GRM7: variants seen among roughly 807,000 people sequenced by gnomAD.
GRM7 encodes the protein metabotropic glutamate receptor 7.
Under a neutral mutation model 84.5 loss-of-function variants are expected in GRM7, and 35 were observed. The ratio of observed to expected loss-of-function variants is 0.41; its 90% confidence interval spans 0.32 to 0.55. The LOEUF (loss-of-function observed/expected upper bound fraction) is 0.55, where lower values mean the gene tolerates loss of function less well. Ranked by LOEUF, GRM7 falls within the 20% of genes least tolerant of loss-of-function variation. The probability of loss-of-function intolerance (pLI) is 0.19; values close to 1 mark genes in which losing one functional copy is unlikely to be tolerated. For missense variants in GRM7, 1,003 were observed against 1,194.6 expected, an observed-to-expected ratio of 0.84 and a Z score of 2.36; for synonymous variants, 487 against 455.1, an observed-to-expected ratio of 1.07 and a Z score of -0.89.
intron 1 of GRM7, among the ~76,000 whole-genome samples, chr3:7,027,701 T>C (rs1223368888): frequency 2.6e-5 from 4 of 152,220 alleles, no homozygotes; most frequent in Non-Finnish European, 4.4e-5. Context: ...ATATTTTTCT[T>C]TGAATTTAGA....
intron 4 of GRM7, among the ~76,000 whole-genome samples, chr3:7,348,749 G>A (rs1326930256): frequency 1.3e-5 from 2 of 152,108 alleles, no homozygotes; most frequent in Non-Finnish European, 2.9e-5. Context: ...CAGATCTACT[G>A]AATCAGAAAC....
At chr3:7,701,173 G>C (rs2125158496) in intron 9 of GRM7, among the ~76,000 whole-genome samples, 1 of 152,264 alleles carries the variant, frequency 6.6e-6, no homozygotes, top group Admixed American at 6.5e-5. Context: ...TAACGATACA[G>C]GGGACCTTGT....
At chr3:7,332,348 G>A (rs1323129787) in intron 4 of GRM7, among the ~76,000 whole-genome samples, 1 of 152,164 alleles carries the variant, frequency 6.6e-6, no homozygotes, top group African/African-American at 2.4e-5. Context: ...AATAGTGAGG[G>A]TTGGACTTTG....
At chr3:7,503,673 G>T (rs1699952733) in intron 7 of GRM7, among the ~76,000 whole-genome samples, 1 of 152,134 alleles carries the variant, frequency 6.6e-6, no homozygotes, top group African/African-American at 2.4e-5. Flanking sequence ...TATGTTAGAA[G>T]GGATTGGAAA....
At chr3:7,323,006 A>C (rs1386149416) in intron 4 of GRM7, among the ~76,000 whole-genome samples, 1 of 152,118 alleles carries the variant, frequency 6.6e-6, no homozygotes, top group East Asian at 1.9e-4. Context: ...TTATGGAACA[A>C]AGGAAACAAG....
chr3:7,424,838 C>T (rs1029922919), intron 5 of GRM7, among the ~76,000 whole-genome samples: 3 of 152,110 alleles, frequency 2.0e-5, no homozygotes, highest in Admixed American at 1.3e-4. Context: ...GTGAAAGAAA[C>T]AAGTAAGACG....
At chr3:7,567,668 A>C (rs971232440) in intron 7 of GRM7, among the ~76,000 whole-genome samples, 4 of 146,422 alleles carry the variant, frequency 2.7e-5, no homozygotes, top group Non-Finnish European at 6.0e-5. Context: ...GAATTGCTTG[A>C]ACCCGGGAGG....
At chr3:7,606,001 T>C (rs879563089) in intron 8 of GRM7, among the ~76,000 whole-genome samples, 7 of 152,208 alleles carry the variant, frequency 4.6e-5, no homozygotes, top group Non-Finnish European at 1.0e-4. Flanking sequence ...ATGTCTGAGG[T>C]ATACTGTTGT....
chr3:7,650,114 C>A (rs1698857044), intron 8 of GRM7, among the ~76,000 whole-genome samples: 1 of 152,128 alleles, frequency 6.6e-6, no homozygotes, highest in South Asian at 2.1e-4. Flanking sequence ...TTATCCTACG[C>A]AAGGAAAATA....
At chr3:7,111,698 A>T (rs1214001790) in intron 1 of GRM7, among the ~76,000 whole-genome samples, 1 of 152,076 alleles carries the variant, frequency 6.6e-6, no homozygotes, top group African/African-American at 2.4e-5. Flanking sequence ...TTCACATTTT[A>T]TTTTTAACTA....
intron 1 of GRM7, among the ~76,000 whole-genome samples, chr3:6,970,407 C>T (rs1034832233): frequency 1.3e-5 from 2 of 152,210 alleles, no homozygotes; most frequent in African/African-American, 4.8e-5. Context: ...ACCGTACTTA[C>T]AACATTTCTG....
At chr3:7,161,702 T>A (rs951908742) in intron 2 of GRM7, among the ~76,000 whole-genome samples, 9 of 152,220 alleles carry the variant, frequency 5.9e-5, no homozygotes, top group East Asian at 1.9e-4. Context: ...ATTACTTCTA[T>A]TATTTATTCA....
At chr3:7,233,829 G>A (rs570954166) in intron 2 of GRM7, among the ~76,000 whole-genome samples, 8 of 152,202 alleles carry the variant, frequency 5.3e-5, no homozygotes, top group Non-Finnish European at 8.8e-5. Context: ...CTGGAAAAGA[G>A]GACTGATCCT....
intron 4 of GRM7, among the ~76,000 whole-genome samples, chr3:7,369,218 A>C (rs1378450255): frequency 6.6e-6 from 1 of 152,048 alleles, no homozygotes; most frequent in Non-Finnish European, 1.5e-5. Context: ...CTACACAAAC[A>C]ACTTTTTAAA....
chr3:7,218,977 A>G (rs1696706343), intron 2 of GRM7, among the ~76,000 whole-genome samples: 1 of 152,130 alleles, frequency 6.6e-6, no homozygotes, highest in Non-Finnish European at 1.5e-5. Context: ...TATTTTTGCC[A>G]CTGAATGAAA....
intron 5 of GRM7, among the ~76,000 whole-genome samples, chr3:7,435,610 C>G (rs1440162879): frequency 6.6e-6 from 1 of 151,388 alleles, no homozygotes; most frequent in Non-Finnish European, 1.5e-5. Flanking sequence ...CCTCCCGGCT[C>G]CAAGAAATTC....
chr3:7,226,062 A>C (rs1354423261), intron 2 of GRM7, among the ~76,000 whole-genome samples: 1 of 152,190 alleles, frequency 6.6e-6, no homozygotes, highest in Admixed American at 6.5e-5. Context: ...TATTTTAGTT[A>C]ATTAATATTT....
At chr3:6,949,086 T>C (rs150750983) in intron 1 of GRM7, among the ~76,000 whole-genome samples, 2 of 152,152 alleles carry the variant, frequency 1.3e-5, no homozygotes, top group African/African-American at 2.4e-5. Flanking sequence ...GTGTGAATTT[T>C]ATCCTATCAT....
intron 1 of GRM7, among the ~76,000 whole-genome samples, chr3:6,896,718 T>A (rs1696195290): frequency 6.6e-6 from 1 of 152,106 alleles, no homozygotes. Context: ...TTATTCTTCA[T>A]TTCCCTTTGT....
Sources: gnomAD v4.1 joint callset for allele counts (sites outside exome capture counted in the v4.1 genomes callset) on GRCh38, gnomAD v4.1.1 for gene constraint, MANE v1.5 for transcripts, NCBI Gene and HGNC (gene_info 2026-07-23, HGNC 2026-07-21) for gene names.